Variants in EPHA10 observed in about 807,000 individuals in gnomAD.
EPHA10 encodes the protein EPH receptor A10.
A neutral mutation model predicts 109.7 loss-of-function variants in EPHA10; 120 were observed. The ratio of observed to expected loss-of-function variants is 1.09; its 90% CI spans 0.94 to 1.27. The LOEUF (loss-of-function observed/expected upper bound fraction) is 1.27, where lower values mean the gene tolerates loss of function less well. Ranked by LOEUF, EPHA10 falls within the 50% of genes most tolerant of loss-of-function variation. The pLI, the probability that EPHA10 is intolerant of heterozygous loss-of-function variation, is 0.00. For synonymous variants in EPHA10, 640 were observed against 618.9 expected, an observed-to-expected ratio of 1.03 and a Z score of -0.51; for missense variants, 1,396 against 1,411.1, an observed-to-expected ratio of 0.99 and a Z score of 0.17.
rs763127369 is a variant in EPHA10 at position 37,718,632 on chromosome 1, C to T, written c.2912+29G>A. 3.6e-5 allele frequency: 58 copies of T among 1,612,986 alleles called. No individual in the cohort carries two copies. In the East Asian group the frequency reaches 5.6e-4, roughly 15 times the overall value. Reference sequence around the variant, plus strand: ...CAGGGCCTGTGGAATCCCCCAGCCCCGGCCTTGACCTTGGTGCCTTGGACT... The same window carrying T: ...CAGGGCCTGTGGAATCCCCCAGCCCTGGCCTTGACCTTGGTGCCTTGGACT... On this transcript the variant is annotated intron_variant, in intron 16 of 16. Coordinates refer to ENST00000373048, the MANE Select transcript of EPHA10 (RefSeq NM_001099439.2).
At chr1:37,750,580 CTT>C (rs1224590675) in intron 5 of EPHA10, among the ~76,000 whole-genome samples, 6 of 141,788 alleles carry the variant, frequency 4.2e-5, no homozygotes, top group African/African-American at 2.6e-5. Flanking sequence ...CTGAATAAAA[CTT>C]TTTTTTTTTT....
intron 5 of EPHA10, among the ~76,000 whole-genome samples, chr1:37,735,717 C>A (rs1443175758): frequency 6.6e-6 from 1 of 152,134 alleles, no homozygotes; most frequent in African/African-American, 2.4e-5. Flanking sequence ...ATCCTCCAGG[C>A]TCTTTCTATA....
chr1:37,749,327 G>A (rs1646288064), intron 5 of EPHA10, among the ~76,000 whole-genome samples: 1 of 152,034 alleles, frequency 6.6e-6, no homozygotes, highest in South Asian at 2.1e-4. Context: ...GGAAATAGAA[G>A]AGTATTTCCT....
At chr1:37,762,712 TGAG>T in intron 2 of EPHA10, 70 bp downstream of exon 2, 1 of 1,352,114 alleles carries the variant, frequency 7.4e-7, no homozygotes, top group Non-Finnish European at 9.9e-7. Context: ...GATGTAAACA[TGAG>T]GAGCTGAGGA....
chr1:37,744,887 A>T (rs1178572532), intron 5 of EPHA10, among the ~76,000 whole-genome samples: 2 of 152,250 alleles, frequency 1.3e-5, no homozygotes, highest in Non-Finnish European at 2.9e-5. Context: ...AAATGAGGTC[A>T]TTAGTGTGGG....
rs1286866653 is a variant in EPHA10 at position 37,751,219 on chromosome 1, AAAG to A, written c.1357+1654_1357+1656del. On this transcript the variant is annotated intron_variant, in intron 5 of 16. Transcript: ENST00000373048. ...CTCCTCTCAAAAAAAAAAAAAAAAG[AAAG>A]AAAGAAAGAAAAAGAAAAAGAAAAA... Among the ~76,000 whole-genome samples the A allele has an allele frequency of 6.1e-4, 67 of 110,360 alleles. 4 individuals carry two copies. The highest frequency in any genetic ancestry group is 8.9e-4 in the South Asian group (3 of 3,372). The allele number at this position is 110,360 out of a possible 152,430, so 72.4% of individuals were successfully genotyped here. A position where few individuals can be genotyped will look rare whatever the true frequency, so the allele number is the denominator to read the frequency against.
intron 6 of EPHA10, chr1:37,734,434 T>C (rs1046768387): frequency 9.0e-6 from 3 of 334,378 alleles, no homozygotes; most frequent in African/African-American, 6.6e-5. Flanking sequence ...CTTGGGAGGC[T>C]GAAGCAGGAG....
intron 14 of EPHA10, 136 bp from the exon 15 acceptor site, chr1:37,719,743 C>T (rs1645757144): frequency 1.4e-5 from 20 of 1,419,512 alleles, no homozygotes; most frequent in Admixed American, 3.8e-5. Context: ...CACACACACA[C>T]ACACCCAAGG....
At position 37,723,345 on chromosome 1, in the gene EPHA10, C is replaced by G. The variant is rs1463546258; in HGVS notation, c.1800G>C (p.Gly600=). Reference sequence around the variant, plus strand: ...ACAGCTCCTCTTCATCATGGGCATCCCCTCCTCCTTTGCCATAGCTGCAGG... The same window carrying G: ...ACAGCTCCTCTTCATCATGGGCATCGCCTCCTCCTTTGCCATAGCTGCAGG... ...RRPCSYGKGG[G]DAHDEEELYF... The change falls in exon 9 of 17, where the codon GGG becomes GGC. Residue 600 remains glycine, a synonymous_variant. Transcript: ENST00000373048. 1 of 1,614,190 alleles carries G rather than the reference C, an allele frequency of 6.2e-7. No individual in the cohort carries two copies. The highest frequency in any genetic ancestry group is 8.5e-7 in the Non-Finnish European group (1 of 1,180,042).
chr1:37,751,201 C>CAAAAAAA (rs1320111085), intron 5 of EPHA10, among the ~76,000 whole-genome samples: 41 of 45,738 alleles, frequency 9.0e-4, no homozygotes, highest in East Asian at 2.8e-3. Context: ...AGACTCCTCT[C>CAAAAAAA]AAAAAAAAAA....
At chr1:37,730,190 G>A (rs1046960573) in intron 7 of EPHA10, among the ~76,000 whole-genome samples, 6 of 152,142 alleles carry the variant, frequency 3.9e-5, no homozygotes, top group African/African-American at 9.7e-5. Context: ...GCACCTGGCC[G>A]AGGTCTGACA....
chr1:37,742,141 A>G (rs1349764758), intron 5 of EPHA10, among the ~76,000 whole-genome samples: 2 of 152,232 alleles, frequency 1.3e-5, no homozygotes, highest in Admixed American at 6.5e-5. Context: ...CTAAAAACTA[A>G]CACCAAGCAC....
chr1:37,749,395 G>A lies in EPHA10; in HGVS notation c.1357+3481C>T, dbSNP rs141494025. 6.1e-3 allele frequency among the ~76,000 whole-genome samples: 920 copies of A among 152,002 alleles called. 10 individuals carry two copies. Among genetic ancestry groups the A allele is most frequent in the African/African-American group, 0.021 (860 of 41,450 alleles). ...CAGTTAAGATTGTTAACATAAGGCC[G>A]TGCACGGTGGCTCACGCCTGTAATC... On this transcript the variant is annotated intron_variant, in intron 5 of 16. Transcript: ENST00000373048.
At chr1:37,721,914 G>C (rs980053773) in intron 10 of EPHA10, 69 bp from the exon 11 acceptor site, 1 of 1,393,760 alleles carries the variant, frequency 7.2e-7, no homozygotes, top group Non-Finnish European at 9.5e-7. Context: ...AGGCTGAGCC[G>C]AGGAGAAAGT....
intron 6 of EPHA10, among the ~76,000 whole-genome samples, chr1:37,732,357 A>G (rs1418188841): frequency 6.6e-6 from 1 of 151,592 alleles, no homozygotes; most frequent in African/African-American, 2.4e-5. Flanking sequence ...ACCCCAACAC[A>G]CCTGACAATG....
At chr1:37,741,053 G>C (rs1045558490) in intron 5 of EPHA10, among the ~76,000 whole-genome samples, 1 of 152,116 alleles carries the variant, frequency 6.6e-6, no homozygotes, top group African/African-American at 2.4e-5. Flanking sequence ...ATTTAGGAAG[G>C]TTCCCTCCTG....
chr1:37,718,731 A>G lies in EPHA10; in HGVS notation c.2842T>C (p.Cys948Arg). 6.2e-7 allele frequency: 1 copy of G among 1,613,166 alleles called. No individual in the cohort carries two copies. ...VGAWLEALDL[C>R]RYKDSFAAAG... ...GCCGCGAAGCTGTCCTTGTAGCGGC[A>G]CAGGTCCAGGGCCTCCAGCCACGCG... The change falls in exon 16 of 17, where the codon TGC (cysteine) becomes CGC (arginine). Residue 948 changes from cysteine (C) to arginine (R), a missense_variant. Physicochemically the swap from Cys to Arg is radical, Grantham distance 180 (BLOSUM62 -3). Coordinates refer to ENST00000373048, the MANE Select transcript of EPHA10 (RefSeq NM_001099439.2).
intron 7 of EPHA10, among the ~76,000 whole-genome samples, chr1:37,727,825 C>G (rs80122246): frequency 5.4e-4 from 82 of 152,324 alleles, no homozygotes; most frequent in African/African-American, 1.8e-3. Context: ...GATTCCAAAG[C>G]TTCTGCTTTG....
rs907881997 is a variant in EPHA10, at chr1:37,736,536, C to T, written c.1358-1146G>A. 9.9e-4 allele frequency among the ~76,000 whole-genome samples: 144 copies of T among 145,498 alleles called. 1 individual carries two copies. The highest frequency in any genetic ancestry group is 3.3e-3 in the African/African-American group (130 of 39,346). Reference sequence around the variant, plus strand: ...CATCCTGGCCAACATGGTGAAACCCCGTCTCTACTAAAAATACAAAAATGA... The same window carrying T: ...CATCCTGGCCAACATGGTGAAACCCTGTCTCTACTAAAAATACAAAAATGA... On this transcript the variant is annotated intron_variant, in intron 5 of 16. Coordinates refer to ENST00000373048, the MANE Select transcript of EPHA10 (RefSeq NM_001099439.2).
Sources: allele counts gnomAD v4.1 joint callset (sites outside exome capture counted in the v4.1 genomes callset), GRCh38; gene constraint gnomAD v4.1.1; transcripts MANE v1.5; gene names NCBI Gene and HGNC (gene_info 2026-07-23, HGNC 2026-07-21).